Variants in VWF observed in about 807,000 individuals in gnomAD.
VWF encodes von Willebrand factor.
A neutral mutation model predicts 308.6 loss-of-function variants in VWF; 176 were observed. The observed-to-expected ratio is 0.57, with a 90% confidence interval of 0.50 to 0.65. The LOEUF is 0.65. VWF is among the 30% of genes least tolerant of loss of function. VWF has a pLI of 0.00. For synonymous variants in VWF, 1,385 were observed against 1,443.4 expected, an observed-to-expected ratio of 0.96 and a Z score of 0.92; for missense variants, 3,146 against 3,648.2, an observed-to-expected ratio of 0.86 and a Z score of 3.55.
chr12:6,027,152 C>A (rs897936695), intron 22 of VWF, among the ~76,000 whole-genome samples: 1 of 152,130 alleles, frequency 6.6e-6, no homozygotes, highest in Non-Finnish European at 1.5e-5. Flanking sequence ...GGCCTAGTAG[C>A]CCCCATGGTA....
intron 6 of VWF, among the ~76,000 whole-genome samples, chr12:6,091,038 G>C (rs1439145484): frequency 6.6e-6 from 1 of 152,200 alleles, no homozygotes; most frequent in Non-Finnish European, 1.5e-5. Flanking sequence ...AGGTGATGCA[G>C]ACTTTGATGG....
rs187176636 is a variant in VWF, at chr12:5,972,594, G to A, written c.7438-885C>T. 2.6e-5 allele frequency among the ~76,000 whole-genome samples: 4 copies of A among 152,264 alleles called. No individual in the cohort carries two copies. The East Asian group carries it at 5.8e-4, about 22-fold the overall frequency. On this transcript the variant is annotated intron_variant, in intron 43 of 51. Coordinates refer to ENST00000261405, the MANE Select transcript of VWF (RefSeq NM_000552.5). ...GGCCGAATCTGAAGATGCACAACACGTGTGCCTCTCTCTGGACGGTCTCAA... is the reference window on the plus strand; with the variant it reads ...GGCCGAATCTGAAGATGCACAACACATGTGCCTCTCTCTGGACGGTCTCAA...
At chr12:6,105,290 G>A (rs1267081795) in intron 5 of VWF, among the ~76,000 whole-genome samples, 1 of 152,124 alleles carries the variant, frequency 6.6e-6, no homozygotes, top group Non-Finnish European at 1.5e-5. Flanking sequence ...GTGCAGTGGG[G>A]CGATCTCGGC....
chr12:6,123,271 C>A (rs780339411), intron 1 of VWF, 75 bp from the exon 2 acceptor site: 1 of 1,503,658 alleles, frequency 6.7e-7, no homozygotes, highest in Admixed American at 1.7e-5. Context: ...ACTATCAGGG[C>A]ATGCAGTAGC....
intron 3 of VWF, among the ~76,000 whole-genome samples, chr12:6,120,855 G>A (rs1296801808): frequency 1.3e-5 from 2 of 152,066 alleles, no homozygotes; most frequent in East Asian, 1.9e-4. Flanking sequence ...AGTTTTACAC[G>A]TTCCAAAGCA....
rs146307039 is a variant in VWF, at chr12:5,965,646, A to G, written c.7887+1840T>C. Among the ~76,000 whole-genome samples, 1,210 of 152,270 alleles carry G rather than the reference A, an allele frequency of 7.9e-3. 16 individuals are homozygous for G. Among genetic ancestry groups the G allele is most frequent in the African/African-American group, 0.027 (1,137 of 41,556 alleles). ...TTCCCTGGGAGGCAACGGAAGACTC[A>G]CATCTCGGGCAACACTGGCACTTCA... is the stretch of plus-strand genomic sequence containing the variant. On this transcript the variant is annotated intron_variant, in intron 47 of 51. Coordinates refer to ENST00000261405, the MANE Select transcript of VWF (RefSeq NM_000552.5).
At chr12:5,968,014 G>T (rs1943423440) in intron 46 of VWF, 113 bp downstream of exon 46, 3 of 1,453,226 alleles carry the variant, frequency 2.1e-6, no homozygotes, top group South Asian at 2.5e-5. Flanking sequence ...GCTGGGGTTG[G>T]GTCTCTCTGG....
Position 6,046,772 on chromosome 12 carries a change from G to C in VWF, c.2232C>G (p.Pro744=). Residue 744 remains proline (P), a synonymous_variant, in exon 17 of 52, where the codon CCC becomes CCG. Transcript: ENST00000261405. This position sits in a 1 kb window ranked among gnomAD's most constrained non-coding sequence, Gnocchi z 5.0. ...GGACAGCGTCAGGCAGCAAGCTTCC[G>C]GGGACTCCACTCATGGTACAGTGCA... The part of the protein sequence containing the change: ...GFMHCTMSGV[P]GSLLPDAVLS... 2 of 1,614,098 alleles carry C rather than the reference G, an allele frequency of 1.2e-6. No individual in the cohort carries two copies. Among genetic ancestry groups the C allele is most frequent in the Non-Finnish European group, 1.7e-6 (2 of 1,180,018 alleles).
intron 18 of VWF, among the ~76,000 whole-genome samples, chr12:6,036,803 T>G (rs1944342157): frequency 6.6e-6 from 1 of 152,226 alleles, no homozygotes. Flanking sequence ...TGGACATTTT[T>G]GCAAAGGTAC....
intron 24 of VWF, 136 bp from the exon 25 acceptor site, chr12:6,023,923 G>A (rs1944162480): frequency 4.4e-6 from 4 of 904,892 alleles, no homozygotes; most frequent in African/African-American, 3.4e-5. Context: ...TAGCTCAATG[G>A]TCTCAAAGAG....
At chr12:6,013,209 A>G (rs1208342738) in intron 32 of VWF, among the ~76,000 whole-genome samples, 1 of 152,186 alleles carries the variant, frequency 6.6e-6, no homozygotes, top group African/African-American at 2.4e-5. Context: ...CTACACAAAT[A>G]AGCTTAGGCT....
intron 10 of VWF, among the ~76,000 whole-genome samples, chr12:6,067,915 C>T (rs1944734851): frequency 6.6e-6 from 1 of 152,096 alleles, no homozygotes; most frequent in South Asian, 2.1e-4. Flanking sequence ...AGGCGGAGCA[C>T]CCAAGGTCAG....
At chr12:6,117,375 G>A (rs569344810) in intron 3 of VWF, among the ~76,000 whole-genome samples, 1 of 152,158 alleles carries the variant, frequency 6.6e-6, no homozygotes, top group African/African-American at 2.4e-5. Context: ...GGATTATGAG[G>A]GGGAGTTGAA....
chr12:5,949,781 C>G lies in VWF; in HGVS notation c.8253+5G>C. On this transcript the variant is annotated splice_donor_5th_base_variant and intron_variant, in intron 51 of 51. Coordinates refer to ENST00000261405, the MANE Select transcript of VWF (RefSeq NM_000552.5). ...ACCCAGCCCTTATTGAAGCAGAGCC[C>G]TTACCTGGCAGTAGTGGATATCCAC... 6.2e-7 allele frequency: 1 copy of G among 1,614,118 alleles called. No individual in the cohort carries two copies. The highest frequency in any genetic ancestry group is 8.5e-7 in the Non-Finnish European group (1 of 1,179,968).
intron 44 of VWF, among the ~76,000 whole-genome samples, chr12:5,970,596 G>C (rs1943461235): frequency 6.6e-6 from 1 of 152,186 alleles, no homozygotes; most frequent in Non-Finnish European, 1.5e-5. Context: ...AGAACACAGG[G>C]AAGAGAACCC....
chr12:5,961,857 T>C (rs932737095), intron 47 of VWF, among the ~76,000 whole-genome samples: 2 of 151,720 alleles, frequency 1.3e-5, no homozygotes, highest in Non-Finnish European at 3.0e-5. Flanking sequence ...CCTACAAAAT[T>C]CCTATGTTGG....
In VWF at chr12:6,046,952, G is replaced by C; in HGVS notation, c.2187-135C>G. On this transcript the variant is annotated intron_variant, in intron 16 of 51. Coordinates refer to ENST00000261405, the MANE Select transcript of VWF (RefSeq NM_000552.5). This position sits in a 1 kb window ranked among gnomAD's most constrained non-coding sequence, Gnocchi z 5.0. The stretch of plus-strand genomic sequence containing the variant: ...CATAACCCCTCCTGAAGCACAGCTT[G>C]CTAACGTTACCAATGGATGATCCCC... 1.3e-6 allele frequency: 1 copy of C among 772,008 alleles called. No individual in the cohort carries two copies. The highest frequency in any genetic ancestry group is 2.2e-6 in the Non-Finnish European group (1 of 448,322). 47.8% of individuals were successfully genotyped at this position (772,008 alleles called of 1,614,324 possible).
chr12:6,103,955 G>A (rs545356539), intron 5 of VWF, among the ~76,000 whole-genome samples: 16 of 152,218 alleles, frequency 1.1e-4, no homozygotes, highest in African/African-American at 2.2e-4. Flanking sequence ...CACAGCAAAA[G>A]AAATCATCAA....
intron 6 of VWF, among the ~76,000 whole-genome samples, chr12:6,087,604 A>T (rs903643423): frequency 8.0e-5 from 12 of 150,602 alleles, no homozygotes; most frequent in African/African-American, 2.9e-4. Flanking sequence ...TGACCTCGTG[A>T]TCCGCCCGCC....
Sources: gnomAD v4.1 joint callset for allele counts (sites outside exome capture counted in the v4.1 genomes callset) on GRCh38, gnomAD v4.1.1 for gene constraint, Gnocchi (gnomAD v3.1) non-coding constraint, MANE v1.5 for transcripts, NCBI Gene and HGNC (gene_info 2026-07-23, HGNC 2026-07-21) for gene names.